CSMD1: variants seen among roughly 807,000 people sequenced by gnomAD.
CSMD1 encodes CUB and sushi domain-containing protein 1.
CSMD1 carries 213 observed loss-of-function variants against 417.5 expected under a neutral mutation model. That is an observed-to-expected ratio of 0.51 (90% confidence interval 0.46 to 0.57). CSMD1 has a LOEUF of 0.57. Among genes scored for constraint, CSMD1 ranks in the 20% least tolerant of loss-of-function variants. The probability of loss-of-function intolerance (pLI) is 0.00; values close to 1 mark genes in which losing one functional copy is unlikely to be tolerated. For missense variants in CSMD1, 6,923 were observed against 4,529.7 expected (o/e 1.53, Z -15.17); for synonymous variants, 2,862 against 1,736.8 (o/e 1.65, Z -16.11).
intron 37 of CSMD1, among the ~76,000 whole-genome samples, chr8:3,169,783 G>C (rs1422490520): frequency 6.6e-6 from 1 of 152,132 alleles, no homozygotes; most frequent in Non-Finnish European, 1.5e-5. Context: ...AGCATGCTCA[G>C]CTTCTTATTC....
At chr8:4,447,684 C>A (rs565485007) in intron 2 of CSMD1, among the ~76,000 whole-genome samples, 60 of 152,274 alleles carry the variant, frequency 3.9e-4, no homozygotes, top group African/African-American at 1.4e-3. Flanking sequence ...CCTGTGACCT[C>A]TTGTTTTAGA....
At chr8:4,182,662 AG>A (rs1172019870) in intron 3 of CSMD1, among the ~76,000 whole-genome samples, 1 of 152,212 alleles carries the variant, frequency 6.6e-6, no homozygotes, top group African/African-American at 2.4e-5. Context: ...CCCTAAAAAT[AG>A]ATTCACAAAT....
intron 23 of CSMD1, among the ~76,000 whole-genome samples, chr8:3,319,678 G>A (rs560035404): frequency 6.7e-6 from 1 of 148,340 alleles, no homozygotes; most frequent in African/African-American, 2.5e-5. Flanking sequence ...CAGATTATTT[G>A]TTTTTTTTTG....
intron 3 of CSMD1, among the ~76,000 whole-genome samples, chr8:4,412,691 T>C (rs1796713974): frequency 6.6e-6 from 1 of 152,184 alleles, no homozygotes; most frequent in Non-Finnish European, 1.5e-5. Flanking sequence ...GTATATTAAG[T>C]TCACGTAACC....
chr8:4,165,274 G>T (rs912194364), intron 3 of CSMD1, among the ~76,000 whole-genome samples: 3 of 152,234 alleles, frequency 2.0e-5, no homozygotes, highest in African/African-American at 7.2e-5. Context: ...GAAAGTTACA[G>T]CTGTTGATCC....
rs774797031 is a variant in CSMD1, at chr8:4,032,093, G to C, written c.422C>G (p.Pro141Arg). ...QGFKALYEVL[P>R]SHTCGNPGEI... is the part of the protein sequence containing the mutation. Reference sequence around the variant, plus strand: ...TCCAGGATTTCCACAAGTGTGGCTAGGTAAAACTATTGGAAAAAGAAAAGA... The same window carrying C: ...TCCAGGATTTCCACAAGTGTGGCTACGTAAAACTATTGGAAAAAGAAAAGA... The change falls in exon 4 of 70, where the codon CCT (proline) becomes CGT (arginine). Residue 141 changes from proline (P) to arginine (R), a missense_variant. Transcript: ENST00000635120. 8 of 1,600,480 alleles carry C rather than the reference G, an allele frequency of 5.0e-6. No homozygotes were observed. The highest frequency in any genetic ancestry group is 3.3e-4 in the Middle Eastern group (2 of 6,036).
In CSMD1 at chr8:4,031,973, G is replaced by C. The variant is rs757479575; in HGVS notation, c.542C>G (p.Ala181Gly). The C allele has an allele frequency of 2.5e-6, 4 of 1,613,830 alleles. No homozygotes were observed. In the South Asian group the frequency reaches 3.3e-5, roughly 13 times the overall value. ...CLPGYILEGH[A>G]ILTCIVSPGN... ...TGGGCTGACGATGCAGGTCAGGATG[G>C]CGTGGCCTTCCAAGATGTAGCCAGG... is the stretch of plus-strand genomic sequence containing the variant. Residue 181 changes from alanine (A) to glycine (G), a missense_variant, in exon 4 of 70, where the codon GCC (alanine) becomes GGC (glycine). By Grantham distance (60) the Ala-to-Gly change is moderately conservative (BLOSUM62 0). Transcript: ENST00000635120.
At chr8:3,190,181 C>A in intron 33 of CSMD1, 66 bp from the exon 34 acceptor site, 1 of 1,227,964 alleles carries the variant, frequency 8.1e-7, no homozygotes, top group Non-Finnish European at 1.1e-6. Flanking sequence ...TTGCGTGGAA[C>A]GTGGGTTTAA....
intron 3 of CSMD1, among the ~76,000 whole-genome samples, chr8:4,415,662 A>C (rs1369709270): frequency 6.6e-6 from 1 of 152,200 alleles, no homozygotes; most frequent in East Asian, 1.9e-4. Flanking sequence ...AACTTAACTC[A>C]GTATTGTGTC....
intron 5 of CSMD1, among the ~76,000 whole-genome samples, chr8:3,858,820 A>C (rs1804491224): frequency 6.6e-6 from 1 of 152,214 alleles, no homozygotes; most frequent in Admixed American, 6.5e-5. Context: ...ATCGGGAAAT[A>C]ACATGACTTG....
intron 5 of CSMD1, among the ~76,000 whole-genome samples, chr8:3,863,669 A>G (rs1246112680): frequency 6.6e-6 from 1 of 152,188 alleles, no homozygotes; most frequent in Non-Finnish European, 1.5e-5. Context: ...ACACACACAC[A>G]CATTTCTCAT....
chr8:3,451,561 A>C (rs186678591), intron 12 of CSMD1, among the ~76,000 whole-genome samples: 5 of 152,218 alleles, frequency 3.3e-5, no homozygotes, highest in African/African-American at 1.2e-4. Flanking sequence ...AGCACCATTT[A>C]TTAAATAGGG....
intron 3 of CSMD1, among the ~76,000 whole-genome samples, chr8:4,190,275 A>G (rs1349967443): frequency 7.0e-6 from 1 of 142,304 alleles, no homozygotes; most frequent in Non-Finnish European, 1.5e-5. Context: ...AAAAAAAAAA[A>G]GCAGAGACTC....
intron 5 of CSMD1, among the ~76,000 whole-genome samples, chr8:3,760,713 A>G (rs1229933843): frequency 6.6e-6 from 1 of 152,226 alleles, no homozygotes; most frequent in Non-Finnish European, 1.5e-5. Flanking sequence ...TTGTTTGAGT[A>G]CTTCTCTTAC....
At chr8:4,304,815 T>C (rs999614777) in intron 3 of CSMD1, among the ~76,000 whole-genome samples, 1 of 152,350 alleles carries the variant, frequency 6.6e-6, no homozygotes, top group East Asian at 1.9e-4. Context: ...GTGCAGGTCA[T>C]TCAGAAAACC....
intron 10 of CSMD1, among the ~76,000 whole-genome samples, chr8:3,509,223 T>C (rs778205147): frequency 3.3e-5 from 5 of 152,202 alleles, no homozygotes; most frequent in Admixed American, 2.6e-4. Context: ...GAAACAATAT[T>C]ATCTGGACCC....
chr8:4,107,146 C>T (rs116178274), intron 3 of CSMD1, among the ~76,000 whole-genome samples: 1 of 152,292 alleles, frequency 6.6e-6, no homozygotes, highest in Non-Finnish European at 1.5e-5. Context: ...GGTTCTACTA[C>T]ACACAATTCC....
At chr8:3,622,966 C>G (rs1043889587) in intron 7 of CSMD1, among the ~76,000 whole-genome samples, 1 of 152,116 alleles carries the variant, frequency 6.6e-6, no homozygotes, top group Admixed American at 6.6e-5. Flanking sequence ...TGAATTATAT[C>G]TTTTCAGATC....
At chr8:4,099,223 C>G (rs1348765268) in intron 3 of CSMD1, among the ~76,000 whole-genome samples, 1 of 150,330 alleles carries the variant, frequency 6.7e-6, no homozygotes. Flanking sequence ...CACACACACA[C>G]CATTTCTAAT....
Sources: allele counts gnomAD v4.1 joint callset (sites outside exome capture counted in the v4.1 genomes callset), GRCh38; gene constraint gnomAD v4.1.1; transcripts MANE v1.5; gene names NCBI Gene and HGNC (gene_info 2026-07-23, HGNC 2026-07-21).